Variants in CDH11 observed in about 807,000 individuals in gnomAD.
CDH11 encodes the protein cadherin 11.
In CDH11, 11 loss-of-function variants were observed where a neutral mutation model predicts 67.8. That is an observed-to-expected ratio of 0.16 (90% confidence interval 0.10 to 0.27). The LOEUF is 0.27. Among genes scored for constraint, CDH11 ranks in the 10% least tolerant of loss-of-function variants. The probability of loss-of-function intolerance (pLI) is 1.00; values close to 1 mark genes in which losing one functional copy is unlikely to be tolerated. For missense variants in CDH11, 847 were observed against 1,031.2 expected, an observed-to-expected ratio of 0.82 and a Z score of 2.45; for synonymous variants, 419 against 400.0, an observed-to-expected ratio of 1.05 and a Z score of -0.57.
intron 1 of CDH11, among the ~76,000 whole-genome samples, chr16:65,085,104 T>G (rs923124825): frequency 1.3e-5 from 2 of 152,040 alleles, no homozygotes; most frequent in African/African-American, 4.8e-5. Context: ...AGAGACAGGG[T>G]TTCACCACAT....
intron 2 of CDH11, among the ~76,000 whole-genome samples, chr16:65,021,571 T>C (rs74026227): frequency 0.049 from 1,265 of 25,654 alleles, 13 homozygotes; most frequent in Middle Eastern, 0.14. Flanking sequence ...CACACACACA[T>C]ATATATATAT....
At chr16:64,997,336 TAAAC>T (rs1555516742) in intron 4 of CDH11, among the ~76,000 whole-genome samples, 1 of 120,004 alleles carries the variant, frequency 8.3e-6, no homozygotes, top group Admixed American at 8.6e-5. Flanking sequence ...AATAAATAAA[TAAAC>T]AAACCTGCAC....
intron 2 of CDH11, among the ~76,000 whole-genome samples, chr16:65,049,675 TC>T (rs1248855907): frequency 6.6e-6 from 1 of 152,198 alleles, no homozygotes; most frequent in Non-Finnish European, 1.5e-5. Context: ...GACTGGATGT[TC>T]AGGTGACCTA....
chr16:65,099,345 T>C (rs1050231905), intron 1 of CDH11, among the ~76,000 whole-genome samples: 2 of 152,232 alleles, frequency 1.3e-5, no homozygotes, highest in African/African-American at 4.8e-5. Flanking sequence ...ACCTATGTGG[T>C]ACATGTTGTT....
chr16:64,991,187 A>G (rs1269674626), intron 6 of CDH11, among the ~76,000 whole-genome samples: 2 of 152,178 alleles, frequency 1.3e-5, no homozygotes, highest in Admixed American at 6.5e-5. Flanking sequence ...GAAAGGAAGC[A>G]GCAATCAACA....
chr16:64,972,888 T>C lies in CDH11; in HGVS notation c.1390+16A>G. 2 of 1,612,942 alleles carry C rather than the reference T, an allele frequency of 1.2e-6. No homozygotes were observed. The highest frequency in any genetic ancestry group is 2.2e-5 in the East Asian group (1 of 44,840). On this transcript the variant is annotated intron_variant, in intron 9 of 12. Transcript: ENST00000268603. ...ACTTGGTAAAGTAGAATCAAAACCATGAGGAGAATACTTACGGATTTCTGC... is the reference window on the plus strand; with the variant it reads ...ACTTGGTAAAGTAGAATCAAAACCACGAGGAGAATACTTACGGATTTCTGC...
rs866544694 is a variant in CDH11, at chr16:64,950,798, G to A, written c.1863C>T (p.Ile621=). Residue 621 remains isoleucine (I), a synonymous_variant, in exon 12 of 13, where the codon ATC becomes ATT. Transcript: ENST00000268603. ...GAATGACGATGCAGGCGAGGATGGC[G>A]ATCAGGGCGCCTGTGCTCAGGCCGG... ...LNAGLSTGAL[I]AILACIVILL... The A allele has an allele frequency of 3.7e-6, 6 of 1,614,086 alleles. No homozygotes were observed. The highest frequency in any genetic ancestry group is 4.2e-6 in the Non-Finnish European group (5 of 1,179,982).
At chr16:65,102,881 A>G (rs1309047128) in intron 1 of CDH11, among the ~76,000 whole-genome samples, 1 of 152,206 alleles carries the variant, frequency 6.6e-6, no homozygotes, top group Non-Finnish European at 1.5e-5. Flanking sequence ...AAGATGGTTT[A>G]AAAGTGTGGG....
At chr16:65,042,475 C>T (rs1327164465) in intron 2 of CDH11, among the ~76,000 whole-genome samples, 1 of 152,036 alleles carries the variant, frequency 6.6e-6, no homozygotes, top group East Asian at 1.9e-4. Flanking sequence ...TGCAAAGTCC[C>T]TGGGGTTAGA....
rs192622770 is a variant in CDH11 at position 64,944,818 on chromosome 16, G to T, written c.*2785C>A. On this transcript the variant is annotated 3_prime_UTR_variant, in exon 13 of 13. Transcript: ENST00000268603. ...CTCTATATCTCACCATCTCCTTCCTGTTATATCTTTTATGTTCTTCCTTCA... is the reference window on the plus strand; with the variant it reads ...CTCTATATCTCACCATCTCCTTCCTTTTATATCTTTTATGTTCTTCCTTCA... The T allele has an allele frequency of 1.9e-4, 44 of 228,202 alleles. No individual in the cohort carries two copies. The highest frequency in any genetic ancestry group is 3.3e-4 in the Non-Finnish European group (38 of 114,856). 14.1% of individuals were successfully genotyped at this position (228,202 alleles called of 1,614,324 possible).
Position 65,115,710 on chromosome 16 carries a change from AAAAAAAAAAAAC to A in CDH11, c.-298+6158_-298+6169del, listed in dbSNP as rs1458805839. ...CTCACAAAATATAAGGCTACACCAA[AAAAAAAAAAAAC>A]AAAAAAACAAAACCTCAGTAATCAA... On this transcript the variant is annotated intron_variant, in intron 1 of 12. Transcript: ENST00000268603. 7.0e-4 allele frequency among the ~76,000 whole-genome samples: 93 copies of A among 133,528 alleles called. 1 individual carries two copies. The highest frequency in any genetic ancestry group is 4.0e-3 in the Middle Eastern group (1 of 250). 87.6% of individuals were successfully genotyped at this position (133,528 alleles called of 152,430 possible).
intron 7 of CDH11, among the ~76,000 whole-genome samples, chr16:64,984,292 G>A (rs35204): frequency 0.26 from 39,616 of 152,118 alleles, 5,986 homozygotes; most frequent in Middle Eastern, 0.36. Context: ...ACTGCTCTTT[G>A]CTGATCTTTG....
At chr16:64,990,681 CTATT>C (rs1597061890) in intron 6 of CDH11, among the ~76,000 whole-genome samples, 2 of 152,086 alleles carry the variant, frequency 1.3e-5, no homozygotes, top group East Asian at 3.9e-4. Context: ...ATAGTAGTGA[CTATT>C]CATTAAATGA....
chr16:64,992,007 T>TTCCTCAGTGCTCA, intron 5 of CDH11, 72 bp from the exon 6 acceptor site: 2 of 1,125,134 alleles, frequency 1.8e-6, no homozygotes, highest in Non-Finnish European at 2.5e-6. Context: ...TTCTGAGCAC[T>TTCCTCAGTGCTCA]GAGGAAGCAA....
chr16:65,104,386 T>A (rs2075037335), intron 1 of CDH11, among the ~76,000 whole-genome samples: 1 of 152,194 alleles, frequency 6.6e-6, no homozygotes, highest in Admixed American at 6.5e-5. Context: ...CAGAGTAAGA[T>A]GCATAAACTC....
intron 2 of CDH11, among the ~76,000 whole-genome samples, chr16:65,027,056 T>C (rs1017936663): frequency 1.3e-5 from 2 of 152,168 alleles, no homozygotes; most frequent in Admixed American, 6.5e-5. Context: ...GCAAGTGCCA[T>C]GTTTCTATCA....
In CDH11 at chr16:64,988,208, A is replaced by C. The variant is rs1299018932; in HGVS notation, c.948T>G (p.Phe316Leu). The C allele has an allele frequency of 6.2e-7, 1 of 1,613,342 alleles. No homozygotes were observed. The highest frequency in any genetic ancestry group is 1.1e-5 in the South Asian group (1 of 90,894). ...NIVDGDGMESFEITTDYETQE... is the reference protein window; with the variant it reads ...NIVDGDGMESLEITTDYETQE... The stretch of plus-strand genomic sequence containing the variant: ...GTGTTTCATAGTCCGTTGTGATTTC[A>C]AACGATTCCATACCATCTCCATCAA... The change falls in exon 7 of 13, where the codon TTT becomes TTG. Residue 316 changes from phenylalanine (F) to leucine (L), a missense_variant. Phe to Leu is a conservative substitution (Grantham distance 22, BLOSUM62 0). Coordinates refer to ENST00000268603, the MANE Select transcript of CDH11 (RefSeq NM_001797.4).
At chr16:65,066,994 T>C (rs934640970) in intron 1 of CDH11, among the ~76,000 whole-genome samples, 1 of 152,204 alleles carries the variant, frequency 6.6e-6, no homozygotes, top group Non-Finnish European at 1.5e-5. Context: ...CAAACAGTGG[T>C]ATTCCTGGGG....
chr16:65,052,723 G>C (rs182787398), intron 2 of CDH11, among the ~76,000 whole-genome samples: 3 of 152,180 alleles, frequency 2.0e-5, no homozygotes, highest in Admixed American at 2.0e-4. Context: ...AATGGATCAC[G>C]TTGGAGCTGA....
Sources: gnomAD v4.1 joint callset for allele counts (sites outside exome capture counted in the v4.1 genomes callset) on GRCh38, gnomAD v4.1.1 for gene constraint, MANE v1.5 for transcripts, NCBI Gene and HGNC (gene_info 2026-07-23, HGNC 2026-07-21) for gene names.